KDM7A: variants seen among roughly 807,000 people sequenced by gnomAD.
KDM7A encodes the protein lysine-specific demethylase 7A.
A neutral mutation model predicts 114.8 loss-of-function variants in KDM7A; 28 were observed. That is an observed-to-expected ratio of 0.24 (90% confidence interval 0.18 to 0.33). The LOEUF (loss-of-function observed/expected upper bound fraction) is 0.33. KDM7A is among the 10% of genes least tolerant of loss of function. The pLI is 1.00. For synonymous variants in KDM7A, 423 were observed against 397.8 expected (o/e 1.06, Z -0.75); for missense variants, 942 against 1,142.5 (o/e 0.82, Z 2.53).
intron 1 of KDM7A, among the ~76,000 whole-genome samples, chr7:140,153,079 C>T (rs1486498274): frequency 9.9e-5 from 15 of 151,742 alleles, no homozygotes; most frequent in Non-Finnish European, 1.2e-4. Context: ...AGGAAGGTCT[C>T]GATCTCCTGA....
chr7:140,085,024 C>T lies in KDM7A; in HGVS notation c.*6070G>A, dbSNP rs1817900441. 6.6e-6 allele frequency: 1 copy of T among 152,206 alleles called. No homozygotes were observed. Among genetic ancestry groups the T allele is most frequent in the Non-Finnish European group, 1.5e-5 (1 of 68,036 alleles). 9.4% of individuals were successfully genotyped at this position (152,206 alleles called of 1,614,324 possible). A position where few individuals can be genotyped will look rare whatever the true frequency, so the allele number is the denominator to read the frequency against. On this transcript the variant is annotated 3_prime_UTR_variant, in exon 20 of 20. Transcript: ENST00000397560. ...AAACAGAAACAAAATAAATACTGTA[C>T]ACTTTCCCTGCCTGCAGGCAAAAGA...
At chr7:140,162,337 CAAAA>C (rs57973867) in intron 1 of KDM7A, among the ~76,000 whole-genome samples, 1 of 133,334 alleles carries the variant, frequency 7.5e-6, no homozygotes, top group Admixed American at 7.5e-5. Context: ...CTCAGTCTCC[CAAAA>C]AAAAAAAAAA....
chr7:140,142,762 C>T (rs541680757), intron 1 of KDM7A, among the ~76,000 whole-genome samples: 1 of 152,080 alleles, frequency 6.6e-6, no homozygotes, highest in Admixed American at 6.6e-5. Flanking sequence ...GGTAAACACA[C>T]CTTAAAGAAA....
In KDM7A at chr7:140,127,583, C is replaced by A; in HGVS notation, c.560G>T (p.Gly187Val). ...FSVMDVERYV[G>V]GDKVIDVIDV... ...AATGACATCTATCACTTTGTCACCA[C>A]CTGCAGAGAAAAATTACAGTCTTAT... is the stretch of plus-strand genomic sequence containing the variant. The change falls in exon 5 of 20, where the codon GGT (glycine) becomes GTT (valine). Residue 187 changes from glycine (G) to valine (V), a missense_variant and splice_region_variant. Transcript: ENST00000397560. 6.2e-7 allele frequency: 1 copy of A among 1,613,044 alleles called. No homozygotes were observed. The highest frequency in any genetic ancestry group is 8.5e-7 in the Non-Finnish European group (1 of 1,179,484).
chr7:140,174,212 T>A (rs546388896), intron 1 of KDM7A, among the ~76,000 whole-genome samples: 15 of 151,456 alleles, frequency 9.9e-5, no homozygotes, highest in Non-Finnish European at 2.1e-4. Flanking sequence ...AATAAAAAGA[T>A]ACTGCTTTTG....
At position 140,089,570 on chromosome 7, in the gene KDM7A, G is replaced by C. The variant is rs749001464; in HGVS notation, c.*1524C>G. 46 of 151,980 alleles carry C rather than the reference G, an allele frequency of 3.0e-4. 1 individual carries two copies. Among genetic ancestry groups the C allele is most frequent in the Admixed American group, 1.1e-3 (17 of 15,266 alleles). The allele number at this position is 151,980 out of a possible 1,614,324, so 9.4% of individuals were successfully genotyped here. ...CTATTTGCCTATATTTTCTTTGTAG[G>C]AATTTGTAAAATGCTCTATTGTCAG... is the stretch of plus-strand genomic sequence containing the variant. On this transcript the variant is annotated 3_prime_UTR_variant, in exon 20 of 20. Coordinates refer to ENST00000397560, the MANE Select transcript of KDM7A (RefSeq NM_030647.2).
At chr7:140,130,420 A>G (rs1818766584) in intron 3 of KDM7A, among the ~76,000 whole-genome samples, 1 of 152,096 alleles carries the variant, frequency 6.6e-6, no homozygotes, top group African/African-American at 2.4e-5. Flanking sequence ...CAGGAGTTTG[A>G]GACCAGCCTG....
chr7:140,163,151 T>A (rs969510465), intron 1 of KDM7A, among the ~76,000 whole-genome samples: 2 of 151,900 alleles, frequency 1.3e-5, no homozygotes, highest in African/African-American at 2.4e-5. Context: ...CCCGCCATCA[T>A]GCCCGACTAA....
intron 1 of KDM7A, among the ~76,000 whole-genome samples, chr7:140,165,111 C>T (rs1297887420): frequency 6.6e-6 from 1 of 152,142 alleles, no homozygotes; most frequent in African/African-American, 2.4e-5. Flanking sequence ...CCTCAGGATA[C>T]TTTATATCCC....
chr7:140,109,973 T>C (rs1818405748), intron 11 of KDM7A, among the ~76,000 whole-genome samples: 1 of 152,190 alleles, frequency 6.6e-6, no homozygotes, highest in African/African-American at 2.4e-5. Context: ...CCAGATAAAA[T>C]AACAGACACC....
In KDM7A at chr7:140,133,663, T is replaced by A; in HGVS notation, c.281-7A>T. The A allele has an allele frequency of 6.7e-7, 1 of 1,487,222 alleles. No individual in the cohort carries two copies. The highest frequency in any genetic ancestry group is 9.3e-7 in the Non-Finnish European group (1 of 1,072,790). The allele number at this position is 1,487,222 out of a possible 1,614,324, so 92.1% of individuals were successfully genotyped here. On this transcript the variant is annotated splice_region_variant and splice_polypyrimidine_tract_variant and intron_variant, in intron 2 of 19. Coordinates refer to ENST00000397560, the MANE Select transcript of KDM7A (RefSeq NM_030647.2). The stretch of plus-strand genomic sequence containing the variant: ...CAGTTCCTCCTTTTTTTCACTGGAT[T>A]TTTAAAAGATTAAAAAAAAATGATT...
Position 140,176,038 on chromosome 7 carries a change from G to A in KDM7A, c.194+706C>T, listed in dbSNP as rs539965942. On this transcript the variant is annotated intron_variant, in intron 1 of 19. Transcript: ENST00000397560. This position sits in a 1 kb window ranked among gnomAD's most constrained non-coding sequence, Gnocchi z 4.4. ...CGCGACCCGGGTCAACCTGCCGCCC[G>A]CCGGGGGCCCGGCCCCAACTTCCCC... is the stretch of plus-strand genomic sequence containing the variant. 3.3e-5 allele frequency among the ~76,000 whole-genome samples: 5 copies of A among 152,174 alleles called. No individual in the cohort carries two copies. In the South Asian group the frequency reaches 8.3e-4, roughly 25 times the overall value.
chr7:140,152,461 T>C (rs138654361), intron 1 of KDM7A, among the ~76,000 whole-genome samples: 221 of 151,862 alleles, frequency 1.5e-3, no homozygotes, highest in African/African-American at 4.6e-3. Context: ...CCAACTCTAC[T>C]AAAAATACAA....
intron 1 of KDM7A, among the ~76,000 whole-genome samples, chr7:140,175,368 A>AGG (rs201961991): frequency 3.9e-5 from 6 of 151,968 alleles, no homozygotes; most frequent in Non-Finnish European, 7.4e-5. Flanking sequence ...AAAATTGGGG[A>AGG]GGGGGGGAGC....
At chr7:140,140,207 A>G (rs763932474) in intron 1 of KDM7A, among the ~76,000 whole-genome samples, 27 of 152,224 alleles carry the variant, frequency 1.8e-4, no homozygotes, top group South Asian at 6.2e-4. Flanking sequence ...AAAGATGCAA[A>G]TATCAAGTTG....
At chr7:140,101,813 A>T in intron 12 of KDM7A, 138 bp downstream of exon 12, 1 of 647,724 alleles carries the variant, frequency 1.5e-6, no homozygotes, top group South Asian at 1.9e-5. Flanking sequence ...TGTCACAGGC[A>T]TAACTACTGG....
At chr7:140,172,101 C>G (rs1794651412) in intron 1 of KDM7A, among the ~76,000 whole-genome samples, 1 of 152,026 alleles carries the variant, frequency 6.6e-6, no homozygotes, top group Non-Finnish European at 1.5e-5. Context: ...AAAGTGGACA[C>G]TGTAGGTGAA....
Position 140,091,691 on chromosome 7 carries a change from C to T in KDM7A, c.2731+113G>A. 6 of 1,150,788 alleles carry T rather than the reference C, an allele frequency of 5.2e-6. No homozygotes were observed. The South Asian group carries it at 8.1e-5, about 16-fold the overall frequency. 71.3% of individuals were successfully genotyped at this position (1,150,788 alleles called of 1,614,324 possible). Reference sequence around the variant, plus strand: ...GTGTATACTGCCATCACTATGCTGTCTACTATGCATGAGATGTTGAACAAC... The same window carrying T: ...GTGTATACTGCCATCACTATGCTGTTTACTATGCATGAGATGTTGAACAAC... On this transcript the variant is annotated intron_variant, in intron 19 of 19. Transcript: ENST00000397560.
intron 11 of KDM7A, among the ~76,000 whole-genome samples, chr7:140,106,872 T>C (rs1032629233): frequency 7.2e-5 from 11 of 152,226 alleles, no homozygotes; most frequent in Non-Finnish European, 1.6e-4. Flanking sequence ...ATCTGTCTAA[T>C]GTTGACAGTG....
Sources: gnomAD v4.1 joint callset for allele counts (sites outside exome capture counted in the v4.1 genomes callset) on GRCh38, gnomAD v4.1.1 for gene constraint, Gnocchi (gnomAD v3.1) non-coding constraint, MANE v1.5 for transcripts, NCBI Gene and HGNC (gene_info 2026-07-23, HGNC 2026-07-21) for gene names.